Variants in ALG13 observed in about 807,000 individuals in gnomAD.
ALG13 encodes UDP-N-acetylglucosamine transferase subunit ALG13.
A neutral mutation model predicts 87.8 loss-of-function variants in ALG13; 11 were observed. The ratio of observed to expected loss-of-function variants is 0.13; its 90% confidence interval spans 0.08 to 0.21. The LOEUF (loss-of-function observed/expected upper bound fraction) is 0.21. ALG13 is among the 10% of genes least tolerant of loss of function. The pLI is 1.00. For missense variants in ALG13, 756 were observed against 866.1 expected, an observed-to-expected ratio of 0.87 and a Z score of 1.60; for synonymous variants, 320 against 306.3, an observed-to-expected ratio of 1.04 and a Z score of -0.47.
chrX:111,712,998 A>G (rs932889586), intron 7 of ALG13, among the ~76,000 whole-genome samples: 2 of 111,265 alleles, frequency 1.8e-5, no homozygotes, highest in African/African-American at 6.5e-5. Context: ...CCAAATTAAG[A>G]TACATAAAAA....
At chrX:111,707,939 T>A in intron 3 of ALG13, 88 bp from the exon 4 acceptor site, 2 of 991,243 alleles carry the variant, frequency 2.0e-6, no homozygotes, top group Non-Finnish European at 2.7e-6. Flanking sequence ...GAGGTAACTC[T>A]AAGTACTTTC....
rs1238286488 is a variant in ALG13 at position 111,757,796 on chromosome X, C to A, written c.3148+34C>A. 5 of 1,167,994 alleles carry A rather than the reference C, an allele frequency of 4.3e-6. No homozygotes were observed. The South Asian group carries it at 7.6e-5, about 18-fold the overall frequency. ...GTAATGAGATTGCCAGCAAGAAAGA[C>A]AGTTGGATTTTATTGTGTGTAATTC... On this transcript the variant is annotated intron_variant, in intron 26 of 26. Coordinates refer to ENST00000394780, the MANE Select transcript of ALG13 (RefSeq NM_001099922.3).
At chrX:111,702,765 T>A (rs1602606840) in intron 3 of ALG13, among the ~76,000 whole-genome samples, 1 of 108,286 alleles carries the variant, frequency 9.2e-6, no homozygotes, top group African/African-American at 3.3e-5. Context: ...CCCCAGACTT[T>A]AAAAAAAAAA....
At chrX:111,733,653 C>A (rs1342751696) in intron 21 of ALG13, among the ~76,000 whole-genome samples, 5 of 111,216 alleles carry the variant, frequency 4.5e-5, no homozygotes, top group Admixed American at 1.9e-4. Flanking sequence ...TGGGTACATA[C>A]CCAGGAGTGG....
At chrX:111,688,223 T>A (rs1935450872) in intron 3 of ALG13, 1 of 779,664 alleles carries the variant, frequency 1.3e-6, no homozygotes, top group African/African-American at 2.3e-5. Context: ...ATCTTCAGTA[T>A]GTAGTGAGCA....
At chrX:111,738,418 A>G (rs1464211276) in intron 23 of ALG13, among the ~76,000 whole-genome samples, 1 of 112,390 alleles carries the variant, frequency 8.9e-6, no homozygotes, top group Non-Finnish European at 1.9e-5. Context: ...TTTGAGCGCT[A>G]TGTAGGCACT....
intron 25 of ALG13, 150 bp from the exon 26 acceptor site, chrX:111,757,438 T>G: frequency 2.5e-6 from 1 of 397,273 alleles, no homozygotes; most frequent in Non-Finnish European, 4.2e-6. Flanking sequence ...GACTGTCAAG[T>G]TTTTAGGTCA....
intron 19 of ALG13, among the ~76,000 whole-genome samples, chrX:111,729,395 G>A (rs750466054): frequency 9.9e-5 from 11 of 110,555 alleles, no homozygotes; most frequent in African/African-American, 3.3e-4. Flanking sequence ...TTCTACTAGT[G>A]TAGAAAAAAA....
chrX:111,686,246 G>C, intron 3 of ALG13: 1 of 564,609 alleles, frequency 1.8e-6, no homozygotes, highest in South Asian at 5.8e-5. Context: ...ATGCCTCATA[G>C]AATTACTATA....
intron 5 of ALG13, among the ~76,000 whole-genome samples, chrX:111,710,213 A>G (rs1939508016): frequency 9.1e-6 from 1 of 109,650 alleles, no homozygotes; most frequent in Non-Finnish European, 1.9e-5. Flanking sequence ...TTGTGTTTTT[A>G]GTAGAGATGG....
intron 5 of ALG13, chrX:111,710,887 T>TG (rs1338629685): frequency 5.4e-5 from 6 of 110,991 alleles, no homozygotes; most frequent in African/African-American, 2.0e-4. Context: ...TTAGTAGAGA[T>TG]GGGGTTTCAC....
intron 23 of ALG13, among the ~76,000 whole-genome samples, chrX:111,738,063 AACAC>A (rs765159876): frequency 8.9e-6 from 1 of 112,946 alleles, no homozygotes; most frequent in Non-Finnish European, 1.9e-5. Flanking sequence ...TTAGAAATGA[AACAC>A]TAAACAGATC....
intron 26 of ALG13, among the ~76,000 whole-genome samples, chrX:111,759,341 G>A (rs1345983473): frequency 9.0e-6 from 1 of 110,763 alleles, no homozygotes. Flanking sequence ...CTAGACACCT[G>A]AGTTTTTCAT....
intron 14 of ALG13, among the ~76,000 whole-genome samples, chrX:111,724,417 T>G (rs1265142524): frequency 8.9e-6 from 1 of 112,053 alleles, no homozygotes; most frequent in Non-Finnish European, 1.9e-5. Context: ...TAAATGAGGC[T>G]GTGCTGCTCT....
At position 111,720,189 on chromosome X, in the gene ALG13, CA is replaced by C; in HGVS notation, c.1326+22del. On this transcript the variant is annotated intron_variant, in intron 11 of 26. Transcript: ENST00000394780. Reference sequence around the variant, plus strand: ...AACAAAGGTTTGATATTTTCTAAGGCAAAGAATTTTCATAGTCTTGGCTTGC... The same window carrying C: ...AACAAAGGTTTGATATTTTCTAAGGCAAGAATTTTCATAGTCTTGGCTTGC... 1 of 1,101,318 alleles carries C rather than the reference CA, an allele frequency of 9.1e-7. No individual in the cohort carries two copies. The highest frequency in any genetic ancestry group is 1.2e-6 in the Non-Finnish European group (1 of 819,731). The allele number at this position is 1,101,318 out of a possible 1,213,427, so 90.8% of individuals were successfully genotyped here. A position where few individuals can be genotyped will look rare whatever the true frequency, so the allele number is the denominator to read the frequency against.
chrX:111,747,163 A>G (rs1168311607), intron 24 of ALG13, among the ~76,000 whole-genome samples: 1 of 111,776 alleles, frequency 8.9e-6, no homozygotes, highest in Admixed American at 9.5e-5. Context: ...TGTATCCTTA[A>G]TTATAGCATC....
chrX:111,694,484 G>A (rs1415531800), intron 3 of ALG13, among the ~76,000 whole-genome samples: 1 of 112,428 alleles, frequency 8.9e-6, no homozygotes, highest in Non-Finnish European at 1.9e-5. Flanking sequence ...GTCATATAGT[G>A]TCTTTTCTAA....
chrX:111,754,326 G>A (rs889443743), intron 25 of ALG13, among the ~76,000 whole-genome samples: 25 of 111,434 alleles, frequency 2.2e-4, no homozygotes, highest in Non-Finnish European at 4.5e-4. Context: ...CATACTGAAT[G>A]GGCAAAAGCT....
chrX:111,754,565 G>A (rs1602965398), intron 25 of ALG13, among the ~76,000 whole-genome samples: 1 of 112,387 alleles, frequency 8.9e-6, no homozygotes, highest in East Asian at 2.8e-4. Context: ...AAGCTGATAA[G>A]CAACTTCAGC....
Sources: gnomAD v4.1 joint callset for allele counts (sites outside exome capture counted in the v4.1 genomes callset) on GRCh38, gnomAD v4.1.1 for gene constraint, MANE v1.5 for transcripts, NCBI Gene and HGNC (gene_info 2026-07-23, HGNC 2026-07-21) for gene names.